Variants in KCTD16 observed in about 807,000 individuals in gnomAD.
KCTD16 encodes potassium channel tetramerization domain containing 16.
In KCTD16, 13 loss-of-function variants were observed where a neutral mutation model predicts 33.2. The ratio of observed to expected loss-of-function variants is 0.39; its 90% confidence interval spans 0.25 to 0.62. KCTD16 has a LOEUF of 0.62. Ranked by LOEUF, KCTD16 falls within the 20% of genes least tolerant of loss-of-function variation. The pLI, the probability that KCTD16 is intolerant of heterozygous loss-of-function variation, is 0.50. For missense variants in KCTD16, 441 were observed against 525.1 expected (o/e 0.84, Z 1.57); for synonymous variants, 197 against 195.3 (o/e 1.01, Z -0.07).
At chr5:144,457,702 A>G (rs984417629) in intron 3 of KCTD16, among the ~76,000 whole-genome samples, 2 of 152,178 alleles carry the variant, frequency 1.3e-5, no homozygotes, top group South Asian at 2.1e-4. Context: ...CCCAATATAT[A>G]TGTTGTGATA....
intron 3 of KCTD16, among the ~76,000 whole-genome samples, chr5:144,434,805 C>T (rs1048142149): frequency 1.3e-5 from 2 of 152,060 alleles, no homozygotes; most frequent in African/African-American, 2.4e-5. Flanking sequence ...TTTCCTGTAG[C>T]GCAAATACAA....
chr5:144,202,043 A>C (rs910341111), intron 2 of KCTD16, among the ~76,000 whole-genome samples: 1 of 152,244 alleles, frequency 6.6e-6, no homozygotes, highest in Non-Finnish European at 1.5e-5. Context: ...AACAGAGGCG[A>C]AAACATATTT....
intron 2 of KCTD16, among the ~76,000 whole-genome samples, chr5:144,180,287 A>G (rs1752596464): frequency 6.6e-6 from 1 of 152,152 alleles, no homozygotes; most frequent in African/African-American, 2.4e-5. Context: ...ATACTTTGAG[A>G]ACTTTTTATT....
intron 3 of KCTD16, among the ~76,000 whole-genome samples, chr5:144,379,205 G>C (rs773379384): frequency 2.2e-4 from 34 of 152,230 alleles, no homozygotes; most frequent in Non-Finnish European, 4.6e-4. Context: ...TTTTATGCCT[G>C]CTCTTTGGCC....
intron 3 of KCTD16, among the ~76,000 whole-genome samples, chr5:144,260,041 T>G (rs1292341429): frequency 6.6e-6 from 1 of 152,158 alleles, no homozygotes; most frequent in Non-Finnish European, 1.5e-5. Flanking sequence ...CTGCATGAAA[T>G]GAAAGGCATC....
chr5:144,423,089 A>G (rs1225809434), intron 3 of KCTD16, among the ~76,000 whole-genome samples: 1 of 152,164 alleles, frequency 6.6e-6, no homozygotes, highest in Non-Finnish European at 1.5e-5. Context: ...CTCATCAGAG[A>G]GAAGTGTAAG....
At chr5:144,289,690 A>G (rs761150813) in intron 3 of KCTD16, among the ~76,000 whole-genome samples, 75 of 152,248 alleles carry the variant, frequency 4.9e-4, no homozygotes, top group Admixed American at 1.3e-3. Context: ...TACACAACCA[A>G]ACGAAAGCTG....
intron 3 of KCTD16, among the ~76,000 whole-genome samples, chr5:144,276,832 G>A (rs961221846): frequency 4.6e-5 from 7 of 151,908 alleles, no homozygotes; most frequent in Non-Finnish European, 1.0e-4. Flanking sequence ...GGACCTGAGA[G>A]GCAGAGATTG....
At chr5:144,172,011 T>A (rs1236707462) in intron 1 of KCTD16, among the ~76,000 whole-genome samples, 2 of 152,212 alleles carry the variant, frequency 1.3e-5, no homozygotes, top group Non-Finnish European at 2.9e-5. Context: ...CATTATATTC[T>A]GGGATCAAAA....
At chr5:144,232,702 C>T (rs1008568313) in intron 3 of KCTD16, among the ~76,000 whole-genome samples, 4 of 152,042 alleles carry the variant, frequency 2.6e-5, no homozygotes, top group African/African-American at 9.7e-5. Flanking sequence ...ATAAAATGAA[C>T]CATGTATTTA....
At chr5:144,316,379 T>A (rs1751912736) in intron 3 of KCTD16, among the ~76,000 whole-genome samples, 1 of 152,200 alleles carries the variant, frequency 6.6e-6, no homozygotes, top group Non-Finnish European at 1.5e-5. Flanking sequence ...GAGGCATCCA[T>A]GCAGAAGTCA....
At chr5:144,447,247 G>A (rs1023207215) in intron 3 of KCTD16, among the ~76,000 whole-genome samples, 9 of 152,156 alleles carry the variant, frequency 5.9e-5, no homozygotes, top group African/African-American at 2.2e-4. Flanking sequence ...ATGAGTTCAT[G>A]TCCTTAGCAG....
intron 3 of KCTD16, among the ~76,000 whole-genome samples, chr5:144,350,782 T>TC (rs919718978): frequency 6.0e-5 from 9 of 150,904 alleles, no homozygotes; most frequent in Non-Finnish European, 1.3e-4. Flanking sequence ...TTTTTTTTTT[T>TC]CTCTCTCTCT....
chr5:144,264,596 C>T (rs1755094003), intron 3 of KCTD16, among the ~76,000 whole-genome samples: 1 of 151,896 alleles, frequency 6.6e-6, no homozygotes, highest in Non-Finnish European at 1.5e-5. Flanking sequence ...GACCCCATCT[C>T]TAAAAAAAAC....
At chr5:144,200,178 A>ATTTTTTTTTTTTT in intron 2 of KCTD16, among the ~76,000 whole-genome samples, 1 of 151,924 alleles carries the variant, frequency 6.6e-6, no homozygotes, top group Non-Finnish European at 1.5e-5. Context: ...TTAAAGATCA[A>ATTTTTTTTTTTTT]ATCTCAAAAT....
intron 3 of KCTD16, chr5:144,439,415 T>C: frequency 2.3e-6 from 1 of 436,860 alleles, no homozygotes; most frequent in Non-Finnish European, 4.5e-6. Context: ...ATATGAACCA[T>C]GAACCAGAGC....
In KCTD16 at chr5:144,187,843, G is replaced by A. The variant is rs542926630; in HGVS notation, c.-327+13371G>A. Among the ~76,000 whole-genome samples the A allele has an allele frequency of 1.8e-4, 28 of 152,260 alleles. No individual in the cohort carries two copies. In the South Asian group the frequency reaches 5.2e-3, roughly 28 times the overall value. Reference sequence around the variant, plus strand: ...AGGCTATTTATTGGAAACCAGCCAGGATCTTTGTTTAGATTATTTTTGCCA... The same window carrying A: ...AGGCTATTTATTGGAAACCAGCCAGAATCTTTGTTTAGATTATTTTTGCCA... On this transcript the variant is annotated intron_variant, in intron 2 of 3. Coordinates refer to ENST00000512467, the MANE Select transcript of KCTD16 (RefSeq NM_020768.4).
At chr5:144,288,705 C>T (rs370823720) in intron 3 of KCTD16, among the ~76,000 whole-genome samples, 2 of 152,148 alleles carry the variant, frequency 1.3e-5, no homozygotes, top group African/African-American at 2.4e-5. Context: ...CATGGTGGCT[C>T]ATGCCTGTAA....
At chr5:144,280,508 G>A (rs72800585) in intron 3 of KCTD16, among the ~76,000 whole-genome samples, 6,125 of 152,226 alleles carry the variant, frequency 0.04, 189 homozygotes, top group Middle Eastern at 0.088. Flanking sequence ...TGTGGAGTCT[G>A]TAGTGATAAA....
Sources: gnomAD v4.1 joint callset for allele counts (sites outside exome capture counted in the v4.1 genomes callset) on GRCh38, gnomAD v4.1.1 for gene constraint, MANE v1.5 for transcripts, NCBI Gene and HGNC (gene_info 2026-07-23, HGNC 2026-07-21) for gene names.